The following CDH18 variants were observed in gnomAD, a reference collection of about 807,000 sequenced individuals.
The protein encoded by CDH18 is cadherin-18.
CDH18 carries 31 observed loss-of-function variants against 67.9 expected under a neutral mutation model. The ratio of observed to expected loss-of-function variants is 0.46; its 90% CI spans 0.34 to 0.62. CDH18 has a LOEUF of 0.62. Ranked by LOEUF, CDH18 falls within the 20% of genes least tolerant of loss-of-function variation. CDH18 has a pLI of 0.01. For synonymous variants in CDH18, 362 were observed against 347.2 expected, an observed-to-expected ratio of 1.04 and a Z score of -0.48; for missense variants, 890 against 975.5, an observed-to-expected ratio of 0.91 and a Z score of 1.17.
intron 1 of CDH18, among the ~76,000 whole-genome samples, chr5:20,391,359 T>C (rs1187095169): frequency 6.6e-6 from 1 of 151,820 alleles, no homozygotes; most frequent in Non-Finnish European, 1.5e-5. Context: ...GGTCTTTATC[T>C]AAAAATTAGG....
chr5:20,538,905 TTTTG>T lies in CDH18; in HGVS notation c.-580+36553_-580+36556del, dbSNP rs1756884959. On this transcript the variant is annotated intron_variant, in intron 1 of 14. Transcript: ENST00000507958. ...ACATCCACATAGCCAACTGTTTTTT[TTTTG>T]TTTTTTTTTTTTTTTGTCGCCCAGG... Among the ~76,000 whole-genome samples, 3 of 131,098 alleles carry T rather than the reference TTTTG, an allele frequency of 2.3e-5. 1 individual carries two copies. In the Admixed American group the frequency reaches 2.3e-4, roughly 10 times the overall value. 86.0% of individuals were successfully genotyped at this position (131,098 alleles called of 152,430 possible). A position where few individuals can be genotyped will look rare whatever the true frequency, so the allele number is the denominator to read the frequency against.
chr5:19,951,439 T>C (rs774182767), intron 2 of CDH18, among the ~76,000 whole-genome samples: 34 of 152,262 alleles, frequency 2.2e-4, no homozygotes, highest in Non-Finnish European at 4.3e-4. Context: ...AGATGAGTAA[T>C]TGACAGTATC....
At chr5:19,910,007 G>A (rs555227378) in intron 2 of CDH18, among the ~76,000 whole-genome samples, 3 of 151,972 alleles carry the variant, frequency 2.0e-5, no homozygotes, top group South Asian at 2.1e-4. Flanking sequence ...CATTCTTGCC[G>A]TAATAAACAT....
rs1027785176 is a variant in CDH18 at position 20,249,377 on chromosome 5, T to C, written c.-518+6067A>G. On this transcript the variant is annotated intron_variant, in intron 2 of 14. Transcript: ENST00000507958. ...ATTATGAAATAACTATTAACTCCTT[T>C]AAAACTTTTTTTTTTTTTTTTTTGA... is the stretch of plus-strand genomic sequence containing the variant. Among the ~76,000 whole-genome samples, 47 of 135,194 alleles carry C rather than the reference T, an allele frequency of 3.5e-4. 2 individuals are homozygous for C. The highest frequency in any genetic ancestry group is 3.6e-4 in the Admixed American group (4 of 11,152). 88.7% of individuals were successfully genotyped at this position (135,194 alleles called of 152,430 possible). A position where few individuals can be genotyped will look rare whatever the true frequency, so the allele number is the denominator to read the frequency against.
chr5:20,239,211 T>C (rs1307368350), intron 2 of CDH18, among the ~76,000 whole-genome samples: 2 of 152,066 alleles, frequency 1.3e-5, no homozygotes, highest in African/African-American at 2.4e-5. Flanking sequence ...TCCCAGAACT[T>C]TGGGAGGCCG....
At chr5:19,508,335 C>A (rs577570223) in intron 10 of CDH18, among the ~76,000 whole-genome samples, 216 of 152,104 alleles carry the variant, frequency 1.4e-3, no homozygotes, top group Non-Finnish European at 2.4e-3. Context: ...AATTTTCTAT[C>A]CCTTTGTCAG....
chr5:20,254,271 C>G (rs1336899419), intron 2 of CDH18, among the ~76,000 whole-genome samples: 1 of 152,126 alleles, frequency 6.6e-6, no homozygotes, highest in African/African-American at 2.4e-5. Context: ...TGCCACCACA[C>G]CTAGCTAATT....
At chr5:20,238,527 G>C (rs1192122244) in intron 2 of CDH18, among the ~76,000 whole-genome samples, 1 of 151,930 alleles carries the variant, frequency 6.6e-6, no homozygotes, top group East Asian at 1.9e-4. Context: ...ACTGTTAAAA[G>C]GGCTAAAGTT....
At chr5:19,711,937 CA>C (rs1351136010) in intron 5 of CDH18, among the ~76,000 whole-genome samples, 1 of 151,924 alleles carries the variant, frequency 6.6e-6, no homozygotes, top group Non-Finnish European at 1.5e-5. Flanking sequence ...ACTGGATAAA[CA>C]AAATGTGCTA....
At chr5:20,120,917 A>C (rs1307270254) in intron 2 of CDH18, among the ~76,000 whole-genome samples, 1 of 152,174 alleles carries the variant, frequency 6.6e-6, no homozygotes, top group Non-Finnish European at 1.5e-5. Context: ...TCTTATAGCA[A>C]ATTTAGATTT....
At chr5:19,540,854 G>A (rs1561301339) in intron 9 of CDH18, among the ~76,000 whole-genome samples, 1 of 152,132 alleles carries the variant, frequency 6.6e-6, no homozygotes, top group East Asian at 1.9e-4. Context: ...AGCTGTGAAG[G>A]TCTCTGACAT....
At chr5:19,938,084 T>A (rs553216092) in intron 2 of CDH18, among the ~76,000 whole-genome samples, 17 of 149,194 alleles carry the variant, frequency 1.1e-4, no homozygotes, top group African/African-American at 3.9e-4. Flanking sequence ...ATACATAGAC[T>A]TTTTTTGGGA....
intron 2 of CDH18, among the ~76,000 whole-genome samples, chr5:19,920,893 G>GCGCACACACACA (rs1554064294): frequency 9.6e-5 from 14 of 146,208 alleles, no homozygotes; most frequent in African/African-American, 3.3e-4. Context: ...ACCCACAAGA[G>GCGCACACACACA]CACACACACA....
intron 7 of CDH18, among the ~76,000 whole-genome samples, chr5:19,590,605 T>C (rs1744959954): frequency 6.6e-6 from 1 of 152,100 alleles, no homozygotes; most frequent in African/African-American, 2.4e-5. Flanking sequence ...GTTATCTAAA[T>C]AGTTCTACTG....
At chr5:19,512,067 A>G (rs577695320) in intron 10 of CDH18, among the ~76,000 whole-genome samples, 27 of 152,230 alleles carry the variant, frequency 1.8e-4, no homozygotes, top group African/African-American at 6.5e-4. Context: ...GTCATAGCTA[A>G]AAGGGGCCAA....
chr5:20,105,286 G>A (rs866439181), intron 2 of CDH18, among the ~76,000 whole-genome samples: 7 of 151,958 alleles, frequency 4.6e-5, no homozygotes, highest in African/African-American at 9.7e-5. Context: ...TGTGCCCAGC[G>A]AATTGTGTAT....
intron 1 of CDH18, among the ~76,000 whole-genome samples, chr5:20,435,362 G>A (rs568024383): frequency 6.6e-6 from 1 of 152,106 alleles, no homozygotes; most frequent in East Asian, 1.9e-4. Flanking sequence ...CAGTTAATAA[G>A]CTGCATGAAC....
At chr5:19,665,647 T>C (rs564408656) in intron 5 of CDH18, among the ~76,000 whole-genome samples, 2 of 152,160 alleles carry the variant, frequency 1.3e-5, no homozygotes, top group Non-Finnish European at 2.9e-5. Context: ...TATAGATGGA[T>C]AGAGAGAATG....
chr5:19,970,674 A>G (rs79027769), intron 2 of CDH18, among the ~76,000 whole-genome samples: 10,773 of 151,758 alleles, frequency 0.071, 496 homozygotes, highest in Admixed American at 0.091. Context: ...CACGAGACTC[A>G]TGGGAATACA....
Sources: gnomAD v4.1 joint callset for allele counts (sites outside exome capture counted in the v4.1 genomes callset) on GRCh38, gnomAD v4.1.1 for gene constraint, MANE v1.5 for transcripts, NCBI Gene and HGNC (gene_info 2026-07-23, HGNC 2026-07-21) for gene names.